The following KCNIP4 variants were observed in gnomAD, a reference collection of about 807,000 sequenced individuals.
The protein encoded by KCNIP4 is potassium voltage-gated channel interacting protein 4.
A neutral mutation model predicts 34.0 loss-of-function variants in KCNIP4; 12 were observed. That is an observed-to-expected ratio of 0.35 (90% CI 0.23 to 0.57). The LOEUF (loss-of-function observed/expected upper bound fraction) is 0.57. KCNIP4 is among the 20% of genes least tolerant of loss of function. The pLI is 0.83. For missense variants in KCNIP4, 238 were observed against 311.7 expected, an observed-to-expected ratio of 0.76 and a Z score of 1.78; for synonymous variants, 124 against 102.2, an observed-to-expected ratio of 1.21 and a Z score of -1.29.
chr4:21,303,868 G>T, intron 1 of KCNIP4: 1 of 1,613,940 alleles, frequency 6.2e-7, no homozygotes, highest in Non-Finnish European at 8.5e-7. Context: ...GCACAATGAC[G>T]ATCAGAACTG....
chr4:21,282,799 A>G (rs1762862467), intron 1 of KCNIP4, among the ~76,000 whole-genome samples: 1 of 152,290 alleles, frequency 6.6e-6, no homozygotes, highest in Middle Eastern at 3.4e-3. Flanking sequence ...ACTCTTTCTT[A>G]AACATGACAC....
chr4:21,227,468 C>A (rs1257256664), intron 1 of KCNIP4, among the ~76,000 whole-genome samples: 1 of 152,258 alleles, frequency 6.6e-6, no homozygotes, highest in Middle Eastern at 3.4e-3. Context: ...ATCTTGAGTG[C>A]CTGCACCTCC....
chr4:21,241,927 G>A (rs1759844053), intron 1 of KCNIP4, among the ~76,000 whole-genome samples: 2 of 152,090 alleles, frequency 1.3e-5, no homozygotes, highest in South Asian at 4.1e-4. Flanking sequence ...CACTTTGGGA[G>A]GCCAAGGCGG....
At position 21,213,581 on chromosome 4, in the gene KCNIP4, C is replaced by T. The variant is rs371391766; in HGVS notation, c.62-330872G>A. Among the ~76,000 whole-genome samples, 4 of 152,204 alleles carry T rather than the reference C, an allele frequency of 2.6e-5. No homozygotes were observed. In the East Asian group the frequency reaches 7.7e-4, roughly 29 times the overall value. The stretch of plus-strand genomic sequence containing the variant: ...CCTCCCAAAGTGCTGTGATTACAGG[C>T]GTGAGCCACCATGCACGGCCGAAAG... On this transcript the variant is annotated intron_variant, in intron 1 of 8. Coordinates refer to ENST00000382152, the MANE Select transcript of KCNIP4 (RefSeq NM_025221.6).
intron 1 of KCNIP4, among the ~76,000 whole-genome samples, chr4:21,112,278 A>C (rs59223154): frequency 0.14 from 21,738 of 152,128 alleles, 1,758 homozygotes; most frequent in East Asian, 0.23. Flanking sequence ...AGCTCTAACC[A>C]TTTCTGAAAT....
intron 1 of KCNIP4, among the ~76,000 whole-genome samples, chr4:21,892,352 G>A (rs756544543): frequency 4.6e-5 from 7 of 151,646 alleles, no homozygotes; most frequent in Non-Finnish European, 1.0e-4. Flanking sequence ...AGGCTATGCT[G>A]CTAGAAGTTG....
chr4:21,459,162 C>T (rs1729231577), intron 1 of KCNIP4, among the ~76,000 whole-genome samples: 2 of 151,994 alleles, frequency 1.3e-5, no homozygotes, highest in Non-Finnish European at 2.9e-5. Flanking sequence ...TCTTCAATTC[C>T]TTTACTCCAA....
At chr4:21,593,610 T>C (rs991685318) in intron 1 of KCNIP4, among the ~76,000 whole-genome samples, 1 of 152,100 alleles carries the variant, frequency 6.6e-6, no homozygotes, top group African/African-American at 2.4e-5. Context: ...CCAATTTCCA[T>C]GCCAAGTCAT....
At chr4:21,504,475 A>AAAAAAAAAAAAAGAAAGAAAGAAAG (rs1264431211) in intron 1 of KCNIP4, among the ~76,000 whole-genome samples, 2 of 101,878 alleles carry the variant, frequency 2.0e-5, no homozygotes, top group African/African-American at 7.8e-5. Flanking sequence ...CAAAAAAAAA[A>AAAAAAAAAAAAAGAAAGAAAGAAAG]AAAGAAAGAA....
At chr4:20,940,027 A>G (rs1250789588) in intron 1 of KCNIP4, among the ~76,000 whole-genome samples, 2 of 152,130 alleles carry the variant, frequency 1.3e-5, no homozygotes, top group African/African-American at 4.8e-5. Flanking sequence ...TCCTAGACTT[A>G]TTTCTTACAA....
intron 1 of KCNIP4, among the ~76,000 whole-genome samples, chr4:21,889,482 A>G (rs1234452759): frequency 1.3e-5 from 2 of 152,102 alleles, no homozygotes; most frequent in Non-Finnish European, 2.9e-5. Context: ...TGCATTAGGT[A>G]CTCAACACTC....
intron 1 of KCNIP4, among the ~76,000 whole-genome samples, chr4:21,419,021 C>T (rs1221639319): frequency 2.0e-5 from 3 of 152,174 alleles, no homozygotes; most frequent in Non-Finnish European, 4.4e-5. Context: ...GTGGAAGTAG[C>T]TTTGCCTATG....
At chr4:21,522,125 AAG>A (rs1735580698) in intron 1 of KCNIP4, among the ~76,000 whole-genome samples, 2 of 152,206 alleles carry the variant, frequency 1.3e-5, no homozygotes, top group Middle Eastern at 3.4e-3. Context: ...TGTAAAATAC[AAG>A]ACTATTTTAA....
At chr4:21,504,605 A>T (rs1733678041) in intron 1 of KCNIP4, among the ~76,000 whole-genome samples, 1 of 152,138 alleles carries the variant, frequency 6.6e-6, no homozygotes, top group African/African-American at 2.4e-5. Flanking sequence ...GGCTGATCTA[A>T]GTTAGGGGCC....
intron 1 of KCNIP4, among the ~76,000 whole-genome samples, chr4:21,519,639 T>C (rs985852725): frequency 1.3e-4 from 15 of 118,098 alleles, no homozygotes; most frequent in South Asian, 3.2e-4. Flanking sequence ...TATACACAAA[T>C]GTGTGTGTAT....
Position 21,333,155 on chromosome 4 carries a change from GA to G in KCNIP4, c.62-450447del, listed in dbSNP as rs752539416. Reference sequence around the variant, plus strand: ...AGAAACATGTAATTTTTCCATTTTTGATAATTTGATTGCTTCTTAATTCTCA... The same window carrying G: ...AGAAACATGTAATTTTTCCATTTTTGTAATTTGATTGCTTCTTAATTCTCA... On this transcript the variant is annotated intron_variant, in intron 1 of 8. Coordinates refer to ENST00000382152, the MANE Select transcript of KCNIP4 (RefSeq NM_025221.6). Among the ~76,000 whole-genome samples the G allele has an allele frequency of 1.1e-3, 170 of 151,984 alleles. 1 individual carries two copies. Among genetic ancestry groups the G allele is most frequent in the Non-Finnish European group, 1.8e-3 (124 of 67,912 alleles).
chr4:21,646,614 A>T (rs1396684401), intron 1 of KCNIP4, among the ~76,000 whole-genome samples: 1 of 152,166 alleles, frequency 6.6e-6, no homozygotes, highest in African/African-American at 2.4e-5. Flanking sequence ...TACATTTTCA[A>T]TTTAACAGCC....
chr4:21,117,300 CGGGGGGG>C (rs372039728), intron 1 of KCNIP4, among the ~76,000 whole-genome samples: 1,235 of 32,520 alleles, frequency 0.038, 66 homozygotes, highest in African/African-American at 0.043. Flanking sequence ...CCGGGGTTGC[CGGGGGGG>C]GGGGGGGGGG....
intron 1 of KCNIP4, among the ~76,000 whole-genome samples, chr4:21,015,241 C>T (rs1051951003): frequency 3.3e-5 from 5 of 150,276 alleles, no homozygotes; most frequent in Admixed American, 2.7e-4. Context: ...GTAATTAATG[C>T]CACTGAACTG....
Sources: allele counts gnomAD v4.1 joint callset (sites outside exome capture counted in the v4.1 genomes callset), GRCh38; gene constraint gnomAD v4.1.1; transcripts MANE v1.5; gene names NCBI Gene and HGNC (gene_info 2026-07-23, HGNC 2026-07-21).